GPC5: variants seen among roughly 807,000 people sequenced by gnomAD.
GPC5 encodes glypican 5, also known as glypican-5.
In GPC5, 47 loss-of-function variants were observed where a neutral mutation model predicts 53.9. The observed-to-expected ratio is 0.87, with a 90% CI of 0.69 to 1.11. The LOEUF (loss-of-function observed/expected upper bound fraction) is 1.11, where lower values mean the gene tolerates loss of function less well. GPC5 is among the 50% of genes most tolerant of loss of function. The pLI, the probability that GPC5 is intolerant of heterozygous loss-of-function variation, is 0.00. For missense variants in GPC5, 748 were observed against 713.1 expected (o/e 1.05, Z -0.56); for synonymous variants, 286 against 263.3 (o/e 1.09, Z -0.84).
intron 7 of GPC5, among the ~76,000 whole-genome samples, chr13:92,362,859 T>C (rs1383201310): frequency 6.6e-6 from 1 of 151,822 alleles, no homozygotes; most frequent in Non-Finnish European, 1.5e-5. Context: ...ATGCAGGTTA[T>C]TTAACATATG....
intron 5 of GPC5, among the ~76,000 whole-genome samples, chr13:91,851,432 A>C (rs2138891637): frequency 6.6e-6 from 1 of 152,284 alleles, no homozygotes; most frequent in East Asian, 1.9e-4. Context: ...CAAAGACATT[A>C]CTGTACACTA....
intron 7 of GPC5, among the ~76,000 whole-genome samples, chr13:92,319,773 T>C (rs1474747488): frequency 1.3e-5 from 2 of 152,192 alleles, no homozygotes; most frequent in Non-Finnish European, 1.5e-5. Flanking sequence ...ATACGTACAG[T>C]GCATCCACAT....
chr13:92,807,842 T>C (rs555961372), intron 7 of GPC5, among the ~76,000 whole-genome samples: 2 of 152,236 alleles, frequency 1.3e-5, no homozygotes, highest in African/African-American at 4.8e-5. Flanking sequence ...GGTACGTTAA[T>C]ATCCAACACT....
intron 7 of GPC5, among the ~76,000 whole-genome samples, chr13:92,596,196 A>G (rs905688422): frequency 6.6e-6 from 1 of 152,170 alleles, no homozygotes; most frequent in African/African-American, 2.4e-5. Context: ...CCCAAACTAA[A>G]ACTCCAGGCC....
chr13:91,865,941 C>T (rs1337185285), intron 5 of GPC5, among the ~76,000 whole-genome samples: 1 of 152,154 alleles, frequency 6.6e-6, no homozygotes, highest in East Asian at 1.9e-4. Context: ...GATCTCTGCT[C>T]GCCGCAACAT....
At chr13:92,074,464 A>T (rs2041237023) in intron 6 of GPC5, among the ~76,000 whole-genome samples, 1 of 152,180 alleles carries the variant, frequency 6.6e-6, no homozygotes, top group African/African-American at 2.4e-5. Context: ...GAAAACCAAA[A>T]CACAGAGGGT....
intron 7 of GPC5, among the ~76,000 whole-genome samples, chr13:92,610,914 C>T (rs994608066): frequency 1.3e-5 from 2 of 151,352 alleles, no homozygotes; most frequent in East Asian, 2.0e-4. Context: ...ATTTACAATT[C>T]GAGATGATAT....
chr13:92,362,419 C>G (rs913325558), intron 7 of GPC5, among the ~76,000 whole-genome samples: 1 of 151,696 alleles, frequency 6.6e-6, no homozygotes, highest in Non-Finnish European at 1.5e-5. Context: ...TAAGATATGA[C>G]AACAAAGAGA....
intron 7 of GPC5, among the ~76,000 whole-genome samples, chr13:92,723,714 C>T (rs1046897756): frequency 5.9e-5 from 9 of 151,598 alleles, no homozygotes; most frequent in Non-Finnish European, 1.3e-4. Context: ...CTTTGCTTGC[C>T]TTGTGAAATT....
chr13:92,131,198 G>A (rs2041740302), intron 6 of GPC5, among the ~76,000 whole-genome samples: 1 of 151,840 alleles, frequency 6.6e-6, no homozygotes, highest in Non-Finnish European at 1.5e-5. Context: ...GTTTCAGAAG[G>A]TGTGGAATAA....
At chr13:91,583,128 G>A (rs1594289464) in intron 2 of GPC5, among the ~76,000 whole-genome samples, 1 of 152,114 alleles carries the variant, frequency 6.6e-6, no homozygotes, top group East Asian at 1.9e-4. Context: ...ATAATAAAAT[G>A]CTGACAGCCT....
At chr13:92,679,517 A>G (rs1288677223) in intron 7 of GPC5, among the ~76,000 whole-genome samples, 1 of 152,206 alleles carries the variant, frequency 6.6e-6, no homozygotes, top group East Asian at 1.9e-4. Flanking sequence ...GTAGGCAACA[A>G]TGGAGCTCAC....
chr13:92,839,158 G>GT (rs1449998245), intron 7 of GPC5, among the ~76,000 whole-genome samples: 3 of 152,154 alleles, frequency 2.0e-5, no homozygotes, highest in African/African-American at 7.2e-5. Context: ...CTGACCAATT[G>GT]TAAGAGAAAT....
chr13:92,552,911 T>C (rs867491439), intron 7 of GPC5, among the ~76,000 whole-genome samples: 4 of 151,936 alleles, frequency 2.6e-5, no homozygotes, highest in African/African-American at 9.7e-5. Flanking sequence ...GATTCTCACT[T>C]GTACTTTCTT....
At chr13:92,676,818 C>G (rs910123957) in intron 7 of GPC5, among the ~76,000 whole-genome samples, 1 of 152,176 alleles carries the variant, frequency 6.6e-6, no homozygotes, top group African/African-American at 2.4e-5. Context: ...AGTTAGAGAA[C>G]AATTGAGTAG....
chr13:91,880,613 G>A (rs2039253853), intron 5 of GPC5, among the ~76,000 whole-genome samples: 5 of 151,838 alleles, frequency 3.3e-5, no homozygotes, highest in Admixed American at 2.6e-4. Context: ...GACATTTTTT[G>A]GGAACGCCAT....
chr13:91,794,836 C>T (rs2038022189), intron 5 of GPC5, among the ~76,000 whole-genome samples: 1 of 152,026 alleles, frequency 6.6e-6, no homozygotes, highest in East Asian at 1.9e-4. Flanking sequence ...TGTGTCTTCC[C>T]CATTATCCAG....
At chr13:91,686,699 A>G (rs1195565160) in intron 2 of GPC5, among the ~76,000 whole-genome samples, 1 of 152,004 alleles carries the variant, frequency 6.6e-6, no homozygotes, top group Non-Finnish European at 1.5e-5. Flanking sequence ...ATTAAAATTC[A>G]TTGTAACGTG....
At chr13:91,642,597 TGGA>T (rs1283967262) in intron 2 of GPC5, among the ~76,000 whole-genome samples, 1 of 151,914 alleles carries the variant, frequency 6.6e-6, no homozygotes, top group African/African-American at 2.4e-5. Context: ...TTTGGTGACA[TGGA>T]GGTGATTGTT....
Sources: allele counts gnomAD v4.1 joint callset (sites outside exome capture counted in the v4.1 genomes callset), GRCh38; gene constraint gnomAD v4.1.1; transcripts MANE v1.5; gene names NCBI Gene and HGNC (gene_info 2026-07-23, HGNC 2026-07-21).